AGTPBP1: variants seen among roughly 807,000 people sequenced by gnomAD.
AGTPBP1 encodes cytosolic carboxypeptidase 1.
A neutral mutation model predicts 143.9 loss-of-function variants in AGTPBP1; 70 were observed. The ratio of observed to expected loss-of-function variants is 0.49; its 90% CI spans 0.40 to 0.59. The LOEUF is 0.59. Ranked by LOEUF, AGTPBP1 falls within the 20% of genes least tolerant of loss-of-function variation. The pLI is 0.00. For missense variants in AGTPBP1, 1,229 were observed against 1,464.5 expected, an observed-to-expected ratio of 0.84 and a Z score of 2.62; for synonymous variants, 463 against 500.2, an observed-to-expected ratio of 0.93 and a Z score of 0.99.
the AGTPBP1 span, among the ~76,000 whole-genome samples, chr9:85,802,158 T>C: frequency 6.6e-6 from 1 of 152,154 alleles, no homozygotes; most frequent in Non-Finnish European, 1.5e-5. Context: ...AACCATCTCT[T>C]ATCGTTCCAA....
the AGTPBP1 span, among the ~76,000 whole-genome samples, chr9:85,751,663 G>A: frequency 2.0e-5 from 3 of 152,102 alleles, no homozygotes; most frequent in Admixed American, 6.6e-5. Flanking sequence ...CACCTAGGCT[G>A]GAGTGCAGTG....
chr9:85,712,126 G>A (rs1173884220), intron 2 of AGTPBP1, among the ~76,000 whole-genome samples: 1 of 152,090 alleles, frequency 6.6e-6, no homozygotes, highest in East Asian at 1.9e-4. Context: ...TCAGCCGGGT[G>A]TGGTGGTGGG....
intron 13 of AGTPBP1, among the ~76,000 whole-genome samples, chr9:85,641,954 C>A (rs1832502413): frequency 6.6e-6 from 1 of 152,136 alleles, no homozygotes; most frequent in Non-Finnish European, 1.5e-5. Context: ...CCACCTCGGC[C>A]TCCCAAAGTG....
intron 17 of AGTPBP1, among the ~76,000 whole-genome samples, chr9:85,608,957 G>A (rs913802807): frequency 6.6e-6 from 1 of 152,102 alleles, no homozygotes; most frequent in African/African-American, 2.4e-5. Flanking sequence ...ACATAAACTG[G>A]AATTGATCAA....
chr9:85,596,913 G>A (rs193046253), intron 17 of AGTPBP1, among the ~76,000 whole-genome samples: 8 of 152,184 alleles, frequency 5.3e-5, no homozygotes, highest in East Asian at 1.9e-4. Flanking sequence ...GAGAGAAAAC[G>A]AAGAGGGACT....
At position 85,736,920 on chromosome 9, in the gene AGTPBP1, C is replaced by G. The variant is rs147770268; in HGVS notation, c.-34+4855G>C. ...AGGAAATCAAGACCATCCTGGCTAA[C>G]GCGGTGAAACCCCATTTCTACTAAA... On this transcript the variant is annotated intron_variant, in intron 1 of 25. Coordinates refer to ENST00000357081, the MANE Select transcript of AGTPBP1 (RefSeq NM_001330701.2). Among the ~76,000 whole-genome samples, 206 of 152,292 alleles carry G rather than the reference C, an allele frequency of 1.4e-3. 1 individual carries two copies. Among genetic ancestry groups the G allele is most frequent in the African/African-American group, 4.2e-3 (173 of 41,564 alleles).
chr9:85,765,469 A>G, the AGTPBP1 span, among the ~76,000 whole-genome samples: 1 of 152,144 alleles, frequency 6.6e-6, no homozygotes, highest in African/African-American at 2.4e-5. Flanking sequence ...GTTTTTTTAA[A>G]ACTATAGTTT....
intron 15 of AGTPBP1, among the ~76,000 whole-genome samples, chr9:85,620,372 C>T (rs1457105126): frequency 6.7e-6 from 1 of 149,134 alleles, no homozygotes; most frequent in Non-Finnish European, 1.5e-5. Flanking sequence ...CGAGATTACA[C>T]CAAAGCACTC....
intron 25 of AGTPBP1, among the ~76,000 whole-genome samples, chr9:85,568,799 G>A (rs988486984): frequency 1.3e-5 from 2 of 152,194 alleles, no homozygotes; most frequent in Non-Finnish European, 2.9e-5. Context: ...GGGTAAGCGA[G>A]AGGAAAATGC....
At chr9:85,726,056 CAAA>C (rs948203314) in intron 1 of AGTPBP1, among the ~76,000 whole-genome samples, 40 of 40,794 alleles carry the variant, frequency 9.8e-4, no homozygotes, top group African/African-American at 3.6e-3. Context: ...GACTCCATCT[CAAA>C]AAAAAAAAAA....
At chr9:85,600,977 C>T (rs371959646) in intron 17 of AGTPBP1, among the ~76,000 whole-genome samples, 1 of 152,206 alleles carries the variant, frequency 6.6e-6, no homozygotes, top group Non-Finnish European at 1.5e-5. Context: ...CCCACAGCCA[C>T]CACCACTGCT....
intron 25 of AGTPBP1, among the ~76,000 whole-genome samples, chr9:85,563,805 A>G (rs1826899519): frequency 6.6e-6 from 1 of 152,196 alleles, no homozygotes; most frequent in African/African-American, 2.4e-5. Flanking sequence ...TCAAAAGAGG[A>G]GCCACCTGTG....
At chr9:85,638,390 T>C (rs1832225752) in intron 13 of AGTPBP1, among the ~76,000 whole-genome samples, 1 of 151,814 alleles carries the variant, frequency 6.6e-6, no homozygotes, top group Non-Finnish European at 1.5e-5. Flanking sequence ...GTTTTCAAAC[T>C]AGTAATAGGG....
At chr9:85,696,485 C>T (rs551398282) in intron 2 of AGTPBP1, among the ~76,000 whole-genome samples, 2 of 151,972 alleles carry the variant, frequency 1.3e-5, no homozygotes, top group South Asian at 2.1e-4. Flanking sequence ...CTGGTCAACA[C>T]GGTGAAACCC....
chr9:85,684,440 T>C lies in AGTPBP1; in HGVS notation c.158-3105A>G, dbSNP rs76320620. ...CTTATGAACCTTTATCTTCAACCTC[T>C]ACCAACATATCAGTTGTTCCCTCTC... On this transcript the variant is annotated intron_variant, in intron 3 of 25. Transcript: ENST00000357081. Among the ~76,000 whole-genome samples the C allele has an allele frequency of 9.7e-3, 1,469 of 152,206 alleles. 20 individuals carry two copies. Among genetic ancestry groups the C allele is most frequent in the African/African-American group, 0.033 (1,375 of 41,520 alleles).
intron 25 of AGTPBP1, among the ~76,000 whole-genome samples, chr9:85,554,633 A>G (rs1170195504): frequency 6.6e-6 from 1 of 152,216 alleles, no homozygotes; most frequent in Non-Finnish European, 1.5e-5. Context: ...GCCTCCCAGA[A>G]GATAAAATGA....
intron 3 of AGTPBP1, among the ~76,000 whole-genome samples, chr9:85,686,787 C>T (rs1447040294): frequency 6.6e-6 from 1 of 151,954 alleles, no homozygotes; most frequent in Non-Finnish European, 1.5e-5. Flanking sequence ...ATAGGAACCA[C>T]TAAGAAAAGA....
chr9:85,604,087 C>A (rs1240663987), intron 17 of AGTPBP1, among the ~76,000 whole-genome samples: 1 of 151,994 alleles, frequency 6.6e-6, no homozygotes. Context: ...AGGACACAAG[C>A]CCGGCTGGAA....
intron 13 of AGTPBP1, among the ~76,000 whole-genome samples, chr9:85,640,441 A>G (rs62566953): frequency 0.017 from 2,552 of 152,360 alleles, 26 homozygotes; most frequent in Middle Eastern, 0.055. Flanking sequence ...AGAATAGACA[A>G]TGCATTAATA....
Sources: allele counts gnomAD v4.1 joint callset (sites outside exome capture counted in the v4.1 genomes callset), GRCh38; gene constraint gnomAD v4.1.1; transcripts MANE v1.5; gene names NCBI Gene and HGNC (gene_info 2026-07-23, HGNC 2026-07-21).